PROM1: variants seen among roughly 807,000 people sequenced by gnomAD.
PROM1 encodes prominin 1.
Under a neutral mutation model 116.9 loss-of-function variants are expected in PROM1, and 105 were observed. That is an observed-to-expected ratio of 0.90 (90% CI 0.77 to 1.06). The LOEUF (loss-of-function observed/expected upper bound fraction) is 1.06, where lower values mean the gene tolerates loss of function less well. Among genes scored for constraint, PROM1 ranks in the 50% least tolerant of loss-of-function variants. PROM1 has a pLI of 0.00. For missense variants in PROM1, 1,122 were observed against 1,045.2 expected, an observed-to-expected ratio of 1.07 and a Z score of -1.01; for synonymous variants, 393 against 387.0, an observed-to-expected ratio of 1.02 and a Z score of -0.18.
intron 9 of PROM1, among the ~76,000 whole-genome samples, chr4:16,017,985 C>T (rs947866354): frequency 2.7e-5 from 4 of 149,320 alleles, no homozygotes; most frequent in African/African-American, 1.0e-4. Context: ...TTTCAGCATA[C>T]ATGGCTAATA....
intron 9 of PROM1, 125 bp downstream of exon 9, chr4:16,018,198 A>G: frequency 2.4e-6 from 2 of 839,054 alleles, no homozygotes; most frequent in South Asian, 1.7e-5. Context: ...GAAGGCTGAT[A>G]GAGGCCAGGG....
intron 8 of PROM1, among the ~76,000 whole-genome samples, chr4:16,020,582 G>A (rs1001555160): frequency 1.3e-5 from 2 of 152,156 alleles, no homozygotes; most frequent in Non-Finnish European, 2.9e-5. Context: ...CACACTTCAT[G>A]TTTTAATGTT....
At chr4:16,003,591 G>T (rs914048744) in intron 13 of PROM1, among the ~76,000 whole-genome samples, 1 of 152,114 alleles carries the variant, frequency 6.6e-6, no homozygotes, top group Non-Finnish European at 1.5e-5. Context: ...CCTTATCTCT[G>T]GAGAGGCCTC....
At chr4:15,979,928 T>C (rs1717328668) in intron 24 of PROM1, 24 bp from the exon 25 acceptor site, 1 of 1,321,262 alleles carries the variant, frequency 7.6e-7, no homozygotes, top group African/African-American at 1.5e-5. Flanking sequence ...AAAAGGGAGA[T>C]AAAATTAATT....
intron 2 of PROM1, among the ~76,000 whole-genome samples, chr4:16,065,999 G>A (rs1741441685): frequency 6.6e-6 from 1 of 152,204 alleles, no homozygotes; most frequent in Non-Finnish European, 1.5e-5. Flanking sequence ...AGGCAGAGAT[G>A]AGAGTGATCC....
rs56413603 is a variant in PROM1, at chr4:16,000,694, C to T, written c.1455-75G>A. The stretch of plus-strand genomic sequence containing the variant: ...ACCTACTGATACTTACTAAATCTAC[C>T]TATACTCTATAAAATAGCCCTGGGG... On this transcript the variant is annotated intron_variant, in intron 13 of 27. Coordinates refer to ENST00000447510, the MANE Select transcript of PROM1 (RefSeq NM_006017.3). 0.12 allele frequency: 150,282 copies of T among 1,270,314 alleles called. 9,305 individuals are homozygous for T. Among genetic ancestry groups the T allele is most frequent in the South Asian group, 0.14 (8,427 of 62,074 alleles). The allele number at this position is 1,270,314 out of a possible 1,614,324, so 78.7% of individuals were successfully genotyped here.
Position 15,973,436 on chromosome 4 carries a change from A to G in PROM1, c.2583-2354T>C, listed in dbSNP as rs563663310. Among the ~76,000 whole-genome samples the G allele has an allele frequency of 2.0e-5, 3 of 152,216 alleles. No individual in the cohort carries two copies. The East Asian group carries it at 5.8e-4, about 29-fold the overall frequency. On this transcript the variant is annotated intron_variant, in intron 26 of 27. Transcript: ENST00000447510. ...CATTCCAGCCTGTGTGACAGAGTGG[A>G]ATCTGTGTCTCAAACAACAACAACA...
At chr4:16,068,408 C>T (rs549164156) in intron 2 of PROM1, among the ~76,000 whole-genome samples, 5 of 152,184 alleles carry the variant, frequency 3.3e-5, no homozygotes, top group Non-Finnish European at 1.5e-5. Context: ...AGGCCAGTTG[C>T]TATTGGCATG....
At position 16,039,374 on chromosome 4, in the gene PROM1, A is replaced by G. The variant is rs191121763; in HGVS notation, c.221-373T>C. ...TTGTCTGGAAACACAAATGAAATTT[A>G]TTGTTCAATAATTCCACATTTGCCT... On this transcript the variant is annotated intron_variant, in intron 2 of 27. Transcript: ENST00000447510. Among the ~76,000 whole-genome samples, 3 of 152,358 alleles carry G rather than the reference A, an allele frequency of 2.0e-5. No individual in the cohort carries two copies. In the East Asian group the frequency reaches 5.8e-4, roughly 29 times the overall value.
chr4:15,998,416 T>C lies in PROM1; in HGVS notation c.1651A>G (p.Lys551Glu), dbSNP rs760815481. The C allele has an allele frequency of 2.2e-5, 36 of 1,606,448 alleles. No homozygotes were observed. Among genetic ancestry groups the C allele is most frequent in the Admixed American group, 3.4e-5 (2 of 58,228 alleles). The change falls in exon 15 of 28, where the codon AAA becomes GAA. Residue 551 changes from lysine (K) to glutamate (E), a missense_variant. Physicochemically the swap from Lys to Glu is moderately conservative, Grantham distance 56. Transcript: ENST00000447510. ...ACTTGTTCAAAAGTGAGCTTCATTT[T>C]TGATTTATTAAATAGCTTCCCAGAG... is the stretch of plus-strand genomic sequence containing the variant. ...YLSGKLFNKSKMKLTFEQVYS... is the reference protein window; with the variant it reads ...YLSGKLFNKSEMKLTFEQVYS...
At chr4:15,977,468 C>A (rs534638708) in intron 26 of PROM1, among the ~76,000 whole-genome samples, 1 of 152,356 alleles carries the variant, frequency 6.6e-6, no homozygotes, top group East Asian at 1.9e-4. Flanking sequence ...GTACTGTCTA[C>A]TCTCCCCAGA....
intron 2 of PROM1, among the ~76,000 whole-genome samples, chr4:16,046,034 G>A (rs1736470223): frequency 6.6e-6 from 1 of 152,170 alleles, no homozygotes; most frequent in East Asian, 1.9e-4. Context: ...ATGTTCTCAG[G>A]TAACAGTGTT....
chr4:16,028,236 CA>C (rs1236523877), intron 5 of PROM1, among the ~76,000 whole-genome samples: 2 of 152,108 alleles, frequency 1.3e-5, no homozygotes, highest in African/African-American at 4.8e-5. Context: ...CAAACTAATG[CA>C]CAAAGTAAAT....
chr4:16,064,313 A>C (rs1741018228), intron 2 of PROM1, among the ~76,000 whole-genome samples: 1 of 152,368 alleles, frequency 6.6e-6, no homozygotes, highest in Middle Eastern at 3.4e-3. Context: ...ACAACTACAC[A>C]TAACAATATG....
chr4:15,997,493 C>T (rs1722638039), intron 15 of PROM1, among the ~76,000 whole-genome samples: 1 of 151,776 alleles, frequency 6.6e-6, no homozygotes, highest in Admixed American at 6.6e-5. Context: ...GAAAGTCTCA[C>T]TCTTTTGCCC....
intron 19 of PROM1, among the ~76,000 whole-genome samples, chr4:15,988,192 T>C (rs937616723): frequency 6.6e-6 from 1 of 152,222 alleles, no homozygotes; most frequent in Non-Finnish European, 1.5e-5. Context: ...GTGTACTTTC[T>C]ATGCCTCTGG....
At chr4:15,970,873 G>C (rs1714363805) in intron 27 of PROM1, among the ~76,000 whole-genome samples, 170 bp downstream of exon 27, 1 of 152,134 alleles carries the variant, frequency 6.6e-6, no homozygotes, top group Non-Finnish European at 1.5e-5. Flanking sequence ...GGTGGATGTG[G>C]AACCTGCAGG....
At chr4:16,013,732 C>T (rs965081208) in intron 10 of PROM1, among the ~76,000 whole-genome samples, 3 of 152,062 alleles carry the variant, frequency 2.0e-5, no homozygotes, top group African/African-American at 7.2e-5. Context: ...TTGTGGGGTG[C>T]TGCTGGGATT....
chr4:15,975,929 A>C (rs1304005410), intron 26 of PROM1, among the ~76,000 whole-genome samples: 1 of 152,200 alleles, frequency 6.6e-6, no homozygotes, highest in Non-Finnish European at 1.5e-5. Context: ...GAAACAAAAC[A>C]CTTCAACCCA....
Sources: allele counts gnomAD v4.1 joint callset (sites outside exome capture counted in the v4.1 genomes callset), GRCh38; gene constraint gnomAD v4.1.1; transcripts MANE v1.5; gene names NCBI Gene and HGNC (gene_info 2026-07-23, HGNC 2026-07-21).